Variants in PMFBP1 observed in about 807,000 individuals in gnomAD.
PMFBP1 encodes the protein polyamine modulated factor 1 binding protein 1.
PMFBP1 carries 131 observed loss-of-function variants against 137.8 expected under a neutral mutation model. The observed-to-expected ratio is 0.95, with a 90% CI of 0.82 to 1.10. PMFBP1 has a LOEUF of 1.10. PMFBP1 is among the 50% of genes least tolerant of loss of function. The probability of loss-of-function intolerance (pLI) is 0.00; values close to 1 mark genes in which losing one functional copy is unlikely to be tolerated. For synonymous variants in PMFBP1, 490 were observed against 450.4 expected, an observed-to-expected ratio of 1.09 and a Z score of -1.11; for missense variants, 1,199 against 1,175.4, an observed-to-expected ratio of 1.02 and a Z score of -0.29.
the PMFBP1 span, among the ~76,000 whole-genome samples, chr16:72,235,479 A>C: frequency 2.1e-5 from 3 of 146,006 alleles, no homozygotes; most frequent in East Asian, 2.0e-4. Flanking sequence ...ATTTTTCATC[A>C]CTGTTTTGGC....
At chr16:72,222,456 G>A in the PMFBP1 span, among the ~76,000 whole-genome samples, 1 of 152,080 alleles carries the variant, frequency 6.6e-6, no homozygotes. Flanking sequence ...GCCAAGCATG[G>A]TATCAGGTCT....
At chr16:72,228,904 A>C in the PMFBP1 span, among the ~76,000 whole-genome samples, 1 of 147,826 alleles carries the variant, frequency 6.8e-6, no homozygotes, top group African/African-American at 2.5e-5. Flanking sequence ...GGATTGTTAC[A>C]TGAGTAAACT....
At position 72,129,184 on chromosome 16, in the gene PMFBP1, T is replaced by A; in HGVS notation, c.1832A>T (p.Glu611Val). The change falls in exon 13 of 21, where the codon GAG becomes GTG. Residue 611 changes from glutamate to valine, a missense_variant. Physicochemically the swap from Glu to Val is moderately radical, Grantham distance 121. Transcript: ENST00000237353. ...TTTGTCCTCCAGAAGCTTTGTGGCC[T>A]CCTGAAGATCTTCTTCTAACTTGCA... ...IKCKLEEDLQ[E>V]ATKLLEDKRE... 6.2e-7 allele frequency: 1 copy of A among 1,614,078 alleles called. No individual in the cohort carries two copies. Among genetic ancestry groups the A allele is most frequent in the Non-Finnish European group, 8.5e-7 (1 of 1,180,054 alleles).
chr16:72,119,746 A>G (rs961849223), intron 20 of PMFBP1, 105 bp downstream of exon 20: 2 of 1,534,470 alleles, frequency 1.3e-6, no homozygotes, highest in Admixed American at 4.3e-5. Flanking sequence ...TAAGAAAATG[A>G]CTTGAGGCCA....
the PMFBP1 span, among the ~76,000 whole-genome samples, chr16:72,227,075 C>T: frequency 6.6e-6 from 1 of 151,880 alleles, no homozygotes; most frequent in African/African-American, 2.4e-5. Flanking sequence ...TGCCCCTCTG[C>T]CTGATTTCAT....
At chr16:72,160,721 GAA>G (rs2043049063) in intron 3 of PMFBP1, among the ~76,000 whole-genome samples, 1 of 152,086 alleles carries the variant, frequency 6.6e-6, no homozygotes, top group Admixed American at 6.6e-5. Flanking sequence ...ATAGAAAAAG[GAA>G]GTTAACACTG....
At chr16:72,122,826 C>T (rs2042395247) in intron 19 of PMFBP1, 88 bp downstream of exon 19, 2 of 1,261,778 alleles carry the variant, frequency 1.6e-6, no homozygotes, top group Non-Finnish European at 2.3e-6. Flanking sequence ...GCTGATCCCC[C>T]TATCAAGGGC....
rs5817801 is a variant in PMFBP1, at chr16:72,142,009, GAA to G, written c.637-1429_637-1428del. 6.0e-3 allele frequency among the ~76,000 whole-genome samples: 815 copies of G among 135,564 alleles called. 2 individuals carry two copies. The highest frequency in any genetic ancestry group is 0.018 in the African/African-American group (658 of 37,214). 88.9% of individuals were successfully genotyped at this position (135,564 alleles called of 152,430 possible). A position where few individuals can be genotyped will look rare whatever the true frequency, so the allele number is the denominator to read the frequency against. On this transcript the variant is annotated intron_variant, in intron 5 of 20. Coordinates refer to ENST00000237353, the MANE Select transcript of PMFBP1 (RefSeq NM_031293.3). ...AAGGGGGTAAATTGATATACATCGT[GAA>G]AAAAAAAAAAAAAAGCAAAGCGTTC...
the PMFBP1 span, among the ~76,000 whole-genome samples, chr16:72,185,235 G>C: frequency 6.6e-6 from 1 of 151,978 alleles, no homozygotes; most frequent in East Asian, 1.9e-4. Context: ...TGTTGCCTAG[G>C]CTGGTTTTGA....
At chr16:72,179,127 A>T (rs1421318525), upstream of PMFBP1, among the ~76,000 whole-genome samples, 2 of 152,148 alleles carry the variant, frequency 1.3e-5, no homozygotes, top group Admixed American at 6.5e-5. Flanking sequence ...TCAACAAAAA[A>T]GTCAAGGACT....
At chr16:72,248,669 C>T in the PMFBP1 span, among the ~76,000 whole-genome samples, 3 of 152,168 alleles carry the variant, frequency 2.0e-5, no homozygotes, top group African/African-American at 7.2e-5. Context: ...GGGATCAGAA[C>T]AGGTGTGATC....
At chr16:72,202,162 G>C in the PMFBP1 span, among the ~76,000 whole-genome samples, 1 of 152,154 alleles carries the variant, frequency 6.6e-6, no homozygotes, top group Non-Finnish European at 1.5e-5. Context: ...GTCGACTTGG[G>C]ACTGGAGCTG....
chr16:72,209,298 C>G, the PMFBP1 span, among the ~76,000 whole-genome samples: 24 of 152,244 alleles, frequency 1.6e-4, no homozygotes, highest in Non-Finnish European at 3.1e-4. Context: ...CATTAGCTGT[C>G]ATTTCTCACT....
chr16:72,132,510 G>T (rs1288987599), intron 10 of PMFBP1, among the ~76,000 whole-genome samples: 1 of 152,244 alleles, frequency 6.6e-6, no homozygotes, highest in Non-Finnish European at 1.5e-5. Context: ...AGGCAAGACT[G>T]CTGGGAGAAT....
chr16:72,173,726 G>T (rs993556096), upstream of PMFBP1, among the ~76,000 whole-genome samples: 20 of 152,166 alleles, frequency 1.3e-4, no homozygotes, highest in Non-Finnish European at 2.6e-4. Context: ...AGAGTGTTTT[G>T]GGGGAGCCCC....
Position 72,154,255 on chromosome 16 carries a change from C to T in PMFBP1, c.370G>A (p.Asp124Asn), listed in dbSNP as rs565876790. 9.6e-5 allele frequency: 155 copies of T among 1,614,022 alleles called. No homozygotes were observed. The highest frequency in any genetic ancestry group is 1.2e-4 in the Non-Finnish European group (140 of 1,179,998). ...YQSILEKQTS[D>N]LVLLHHHCKL... ...CAGTGATGGTGCAGAAGAACCAGGT[C>T]GGAAGTCTGCTTCTCTAGGATGGAC... The change falls in exon 4 of 21, where the codon GAC (aspartate) becomes AAC (asparagine). Residue 124 changes from aspartate (D) to asparagine (N), a missense_variant. Transcript: ENST00000237353.
chr16:72,144,636 C>T (rs1424938305), intron 5 of PMFBP1, among the ~76,000 whole-genome samples: 1 of 151,944 alleles, frequency 6.6e-6, no homozygotes, highest in Non-Finnish European at 1.5e-5. Context: ...AAGATAAAAA[C>T]ATAAAAATGC....
chr16:72,135,369 T>C (rs1162645447), intron 9 of PMFBP1, among the ~76,000 whole-genome samples: 1 of 149,522 alleles, frequency 6.7e-6, no homozygotes, highest in African/African-American at 2.5e-5. Context: ...GTTTTTTTTT[T>C]TTTTTTTTTG....
upstream of PMFBP1, among the ~76,000 whole-genome samples, chr16:72,175,632 A>G (rs2043256453): frequency 1.3e-5 from 2 of 152,188 alleles, no homozygotes; most frequent in African/African-American, 4.8e-5. Flanking sequence ...GGTTTTCAGG[A>G]AAGAGATGCT....
Sources: allele counts gnomAD v4.1 joint callset (sites outside exome capture counted in the v4.1 genomes callset), GRCh38; gene constraint gnomAD v4.1.1; transcripts MANE v1.5; gene names NCBI Gene and HGNC (gene_info 2026-07-23, HGNC 2026-07-21).